Variants in ZBTB20 observed in about 807,000 individuals in gnomAD.
ZBTB20 encodes the protein zinc finger and BTB domain-containing protein 20.
Under a neutral mutation model 56.9 loss-of-function variants are expected in ZBTB20, and 9 were observed. The ratio of observed to expected loss-of-function variants is 0.16; its 90% CI spans 0.10 to 0.28. The LOEUF (loss-of-function observed/expected upper bound fraction) is 0.28. Among genes scored for constraint, ZBTB20 ranks in the 10% least tolerant of loss-of-function variants. The pLI, the probability that ZBTB20 is intolerant of heterozygous loss-of-function variation, is 1.00. For synonymous variants in ZBTB20, 417 were observed against 420.7 expected (o/e 0.99, Z 0.11); for missense variants, 655 against 1,003.0 (o/e 0.65, Z 4.69).
chr3:114,415,660 G>C (rs937416107), intron 7 of ZBTB20, among the ~76,000 whole-genome samples: 3 of 152,068 alleles, frequency 2.0e-5, no homozygotes, highest in African/African-American at 4.8e-5. Flanking sequence ...TCTTGGAATA[G>C]AGAAAAACTC....
At chr3:114,503,835 A>T (rs1463452876) in intron 6 of ZBTB20, among the ~76,000 whole-genome samples, 1 of 152,196 alleles carries the variant, frequency 6.6e-6, no homozygotes, top group Non-Finnish European at 1.5e-5. Context: ...ATTATTAATT[A>T]TAACTTTAAA....
At chr3:115,127,631 G>A (rs539361190) in intron 1 of ZBTB20, among the ~76,000 whole-genome samples, 3 of 151,862 alleles carry the variant, frequency 2.0e-5, no homozygotes, top group Non-Finnish European at 4.4e-5. Context: ...TTTTAAAAAG[G>A]AAAAGAAAAA....
At chr3:114,955,379 T>C (rs544176960) in intron 3 of ZBTB20, among the ~76,000 whole-genome samples, 2 of 152,292 alleles carry the variant, frequency 1.3e-5, no homozygotes, top group African/African-American at 4.8e-5. Context: ...ACATACGAAA[T>C]TGTCTTTTTC....
intron 6 of ZBTB20, among the ~76,000 whole-genome samples, chr3:114,511,085 ACT>A (rs925428534): frequency 1.4e-5 from 2 of 147,194 alleles, no homozygotes; most frequent in East Asian, 2.0e-4. Context: ...GCTTTTATAG[ACT>A]CTGTCCACAT....
At chr3:114,934,402 C>G (rs1366401420) in intron 3 of ZBTB20, among the ~76,000 whole-genome samples, 2 of 152,170 alleles carry the variant, frequency 1.3e-5, no homozygotes, top group Admixed American at 6.5e-5. Context: ...TTTCTGATAT[C>G]CTTTTCCTCC....
chr3:114,526,948 AT>A (rs959177494), intron 6 of ZBTB20, among the ~76,000 whole-genome samples: 1 of 152,084 alleles, frequency 6.6e-6, no homozygotes, highest in African/African-American at 2.4e-5. Flanking sequence ...TCTTTTTTCA[AT>A]AATGGAAGAA....
chr3:114,728,958 T>C (rs1271396309), intron 5 of ZBTB20, among the ~76,000 whole-genome samples: 1 of 152,034 alleles, frequency 6.6e-6, no homozygotes, highest in Admixed American at 6.6e-5. Flanking sequence ...AAATAGATAA[T>C]GCATGCGGAG....
intron 7 of ZBTB20, among the ~76,000 whole-genome samples, chr3:114,396,449 C>A (rs867263371): frequency 2.6e-5 from 4 of 152,140 alleles, no homozygotes; most frequent in African/African-American, 7.2e-5. Flanking sequence ...AGGCATTGAG[C>A]CTTTTCACAG....
At chr3:114,571,477 CT>C in intron 6 of ZBTB20, among the ~76,000 whole-genome samples, 1 of 152,272 alleles carries the variant, frequency 6.6e-6, no homozygotes, top group East Asian at 1.9e-4. Context: ...TTGACTCTGC[CT>C]TCCCTATTCT....
At chr3:114,861,490 G>C (rs2075526461) in intron 4 of ZBTB20, among the ~76,000 whole-genome samples, 1 of 152,014 alleles carries the variant, frequency 6.6e-6, no homozygotes, top group Non-Finnish European at 1.5e-5. Flanking sequence ...ATAAGAGAAG[G>C]TATCACCTAC....
At chr3:114,968,762 C>T (rs1271344087) in intron 3 of ZBTB20, among the ~76,000 whole-genome samples, 5 of 152,056 alleles carry the variant, frequency 3.3e-5, no homozygotes, top group Admixed American at 6.6e-5. Flanking sequence ...CTAGAAATTC[C>T]TATAATATTC....
chr3:115,065,847 C>T (rs1180470867), intron 2 of ZBTB20, among the ~76,000 whole-genome samples: 8 of 152,126 alleles, frequency 5.3e-5, no homozygotes, highest in Non-Finnish European at 1.2e-4. Context: ...AGTGCCTCCT[C>T]AAATAGATAT....
chr3:114,679,017 C>A (rs756653328), intron 6 of ZBTB20, among the ~76,000 whole-genome samples: 7 of 152,084 alleles, frequency 4.6e-5, no homozygotes, highest in Non-Finnish European at 8.8e-5. Context: ...TATGAACAAG[C>A]CCTGCAAGAC....
chr3:114,934,450 A>T (rs2076463894), intron 3 of ZBTB20, among the ~76,000 whole-genome samples: 1 of 152,092 alleles, frequency 6.6e-6, no homozygotes, highest in South Asian at 2.1e-4. Flanking sequence ...CCTCCAAATC[A>T]GGTATTTGCC....
intron 6 of ZBTB20, chr3:114,520,111 T>C (rs189090581): frequency 6.6e-6 from 1 of 152,046 alleles, no homozygotes; most frequent in East Asian, 1.9e-4. Context: ...AAATTCTGAG[T>C]ACCTCTGCTT....
rs1452153438 is a variant in ZBTB20, at chr3:114,321,631, C to T, written c.*17374G>A. 6.6e-6 allele frequency: 1 copy of T among 152,066 alleles called. No individual in the cohort carries two copies. Among genetic ancestry groups the T allele is most frequent in the Admixed American group, 6.6e-5 (1 of 15,260 alleles). The allele number at this position is 152,066 out of a possible 1,614,324, so 9.4% of individuals were successfully genotyped here. A position where few individuals can be genotyped will look rare whatever the true frequency, so the allele number is the denominator to read the frequency against. On this transcript the variant is annotated 3_prime_UTR_variant, in exon 12 of 12. Transcript: ENST00000675478. ...AGAAAGAACTGGTAAGAGTTGAGCT[C>T]GGTAGCCAACTAGTGTGAAGTTTTC...
intron 7 of ZBTB20, among the ~76,000 whole-genome samples, chr3:114,415,392 C>T (rs531104404): frequency 2.0e-5 from 3 of 152,258 alleles, no homozygotes; most frequent in Non-Finnish European, 4.4e-5. Context: ...AACTCTGCTT[C>T]TGGCTCTTGA....
intron 7 of ZBTB20, among the ~76,000 whole-genome samples, chr3:114,477,144 A>C (rs2040871826): frequency 6.6e-6 from 1 of 152,210 alleles, no homozygotes; most frequent in Non-Finnish European, 1.5e-5. Context: ...ATCACATATA[A>C]ACTGAAAAAC....
rs2080675395 is a variant in ZBTB20 at position 114,351,547 on chromosome 3, G to A, written c.531C>T (p.Ala177=). The change falls in exon 11 of 12, where the codon GCC becomes GCT. Residue 177 remains alanine, a synonymous_variant. Transcript: ENST00000675478. ...QSEALQILTA[A]SILQIKTVID... ...TGACTGTTTTGATCTGCAGGATGCTGGCGGCCGTGAGGATCTGCAGAGCTT... is the reference window on the plus strand; with the variant it reads ...TGACTGTTTTGATCTGCAGGATGCTAGCGGCCGTGAGGATCTGCAGAGCTT... The A allele has an allele frequency of 6.2e-7, 1 of 1,613,964 alleles. No homozygotes were observed. The highest frequency in any genetic ancestry group is 1.1e-5 in the South Asian group (1 of 91,090).
Sources: gnomAD v4.1 joint callset for allele counts (sites outside exome capture counted in the v4.1 genomes callset) on GRCh38, gnomAD v4.1.1 for gene constraint, MANE v1.5 for transcripts, NCBI Gene and HGNC (gene_info 2026-07-23, HGNC 2026-07-21) for gene names.